Variants in MCOLN2 observed in about 807,000 individuals in gnomAD.
MCOLN2 encodes the protein mucolipin TRP cation channel 2.
A neutral mutation model predicts 67.5 loss-of-function variants in MCOLN2; 57 were observed. The observed-to-expected ratio is 0.84, with a 90% CI of 0.68 to 1.05. The LOEUF (loss-of-function observed/expected upper bound fraction) is 1.05, where lower values mean the gene tolerates loss of function less well. Among genes scored for constraint, MCOLN2 ranks in the 50% least tolerant of loss-of-function variants. The pLI is 0.00. For synonymous variants in MCOLN2, 246 were observed against 233.3 expected (o/e 1.05, Z -0.50); for missense variants, 620 against 678.8 (o/e 0.91, Z 0.96).
chr1:84,981,286 T>C (rs1015774211), intron 1 of MCOLN2, among the ~76,000 whole-genome samples: 1 of 152,192 alleles, frequency 6.6e-6, no homozygotes, highest in Non-Finnish European at 1.5e-5. Flanking sequence ...CCATATGATC[T>C]AGCAATCCCA....
intron 1 of MCOLN2, among the ~76,000 whole-genome samples, chr1:84,982,634 C>G (rs550473422): frequency 1.3e-5 from 2 of 152,250 alleles, no homozygotes; most frequent in African/African-American, 4.8e-5. Context: ...GAGCTCCAAC[C>G]ACCCCTTAGC....
Position 84,995,264 on chromosome 1 carries a change from G to A in MCOLN2, c.77+1532C>T, listed in dbSNP as rs574198459. ...TAGAGACACAAAGTGAGCACATGCT[G>A]TTGGAAAAATGGCACCAATAGACTT... On this transcript the variant is annotated intron_variant, in intron 1 of 13. Coordinates refer to ENST00000370608, the MANE Select transcript of MCOLN2 (RefSeq NM_153259.4). 4.7e-3 allele frequency among the ~76,000 whole-genome samples: 250 copies of A among 52,798 alleles called. 1 individual carries two copies. The highest frequency in any genetic ancestry group is 0.011 in the Admixed American group (49 of 4,306). 34.6% of individuals were successfully genotyped at this position (52,798 alleles called of 152,430 possible).
intron 4 of MCOLN2, among the ~76,000 whole-genome samples, chr1:84,953,701 A>C (rs1161866445): frequency 6.7e-6 from 1 of 148,734 alleles, no homozygotes; most frequent in Non-Finnish European, 1.5e-5. Flanking sequence ...GTATTCAAGT[A>C]AAAACAGATT....
chr1:84,983,376 CCT>C (rs1215012453), intron 1 of MCOLN2, among the ~76,000 whole-genome samples: 1 of 152,040 alleles, frequency 6.6e-6, no homozygotes, highest in African/African-American at 2.4e-5. Context: ...CTCAAGCAAT[CCT>C]TCTGCCTCAC....
Position 84,937,839 on chromosome 1 carries a change from A to G in MCOLN2, c.1251T>C (p.Val417=). 1.9e-6 allele frequency: 3 copies of G among 1,614,228 alleles called. No individual in the cohort carries two copies. The highest frequency in any genetic ancestry group is 2.7e-5 in the African/African-American group (2 of 75,058). Residue 417 remains valine (V), a synonymous_variant, in exon 11 of 14, where the codon GTT becomes GTC. Transcript: ENST00000370608. ...TACCAGCACAAGCACAAAACCGAAGAACTTTTGGCAGTGAGGCCTGCATTG... is the reference window on the plus strand; with the variant it reads ...TACCAGCACAAGCACAAAACCGAAGGACTTTTGGCAGTGAGGCCTGCATTG... ...ILTMQASLPK[V]LRFCACAGMI...
At chr1:84,995,590 A>G (rs1651103494) in intron 1 of MCOLN2, among the ~76,000 whole-genome samples, 1 of 152,084 alleles carries the variant, frequency 6.6e-6, no homozygotes, top group Non-Finnish European at 1.5e-5. Context: ...TTTGAAAGCT[A>G]TAGTCACAAG....
intron 13 of MCOLN2, 81 bp downstream of exon 13, chr1:84,929,477 A>G (rs1200144620): frequency 1.4e-6 from 2 of 1,415,262 alleles, no homozygotes; most frequent in Non-Finnish European, 1.9e-6. Context: ...CTCTGAATGT[A>G]ATGGTAATCT....
intron 1 of MCOLN2, 139 bp downstream of exon 1, chr1:84,996,657 C>T (rs1651173497): frequency 2.8e-6 from 2 of 715,258 alleles, no homozygotes; most frequent in Non-Finnish European, 2.4e-6. Context: ...ACAGCCTAGC[C>T]TTATTTAACT....
At chr1:84,971,120 A>G (rs1251275445) in intron 1 of MCOLN2, among the ~76,000 whole-genome samples, 1 of 152,210 alleles carries the variant, frequency 6.6e-6, no homozygotes, top group Non-Finnish European at 1.5e-5. Context: ...ACTTTTAGCA[A>G]TATGAAAGAT....
At chr1:84,935,443 A>G (rs1473360069) in intron 11 of MCOLN2, among the ~76,000 whole-genome samples, 1 of 152,164 alleles carries the variant, frequency 6.6e-6, no homozygotes, top group Non-Finnish European at 1.5e-5. Flanking sequence ...TAGAGCTGCA[A>G]TGTCCATAGT....
chr1:84,992,275 A>G (rs1275003807), intron 1 of MCOLN2, among the ~76,000 whole-genome samples: 2 of 152,224 alleles, frequency 1.3e-5, no homozygotes, highest in Non-Finnish European at 2.9e-5. Flanking sequence ...CTGAAATTAC[A>G]GAGATGTATT....
In MCOLN2 at chr1:84,936,033, C is replaced by T. The variant is rs140618603; in HGVS notation, c.1335+1722G>A. Among the ~76,000 whole-genome samples, 509 of 152,252 alleles carry T rather than the reference C, an allele frequency of 3.3e-3. 3 individuals carry two copies. The highest frequency in any genetic ancestry group is 0.011 in the African/African-American group (476 of 41,544). ...TCAAAGCACAGGTACTGGAGTCAGG[C>T]CGACCTGGGTTTGAATCCCATCTCT... On this transcript the variant is annotated intron_variant, in intron 11 of 13. Transcript: ENST00000370608.
At chr1:84,948,924 G>A (rs772104028) in intron 6 of MCOLN2, among the ~76,000 whole-genome samples, 1 of 152,202 alleles carries the variant, frequency 6.6e-6, no homozygotes, top group Non-Finnish European at 1.5e-5. Context: ...TAGGTCAGGA[G>A]GTTGAGACCA....
intron 11 of MCOLN2, among the ~76,000 whole-genome samples, chr1:84,932,378 A>C (rs1250060927): frequency 1.3e-5 from 2 of 151,948 alleles, no homozygotes; most frequent in African/African-American, 4.8e-5. Context: ...AGCCCGGCTA[A>C]TTTTTGTATT....
At chr1:84,967,509 G>A (rs1649439332) in intron 1 of MCOLN2, among the ~76,000 whole-genome samples, 1 of 152,146 alleles carries the variant, frequency 6.6e-6, no homozygotes, top group African/African-American at 2.4e-5. Context: ...TATCTGCCTT[G>A]ACTGACGAAT....
chr1:84,981,067 T>C (rs961323026), intron 1 of MCOLN2, among the ~76,000 whole-genome samples: 2 of 152,080 alleles, frequency 1.3e-5, no homozygotes, highest in African/African-American at 4.8e-5. Context: ...TCAACATCAC[T>C]GATCACTAGA....
chr1:84,961,474 C>G (rs1557649961), intron 2 of MCOLN2, among the ~76,000 whole-genome samples: 1 of 152,128 alleles, frequency 6.6e-6, no homozygotes, highest in Non-Finnish European at 1.5e-5. Flanking sequence ...GTAATCTCTG[C>G]TTGGAACCTC....
At chr1:84,963,389 T>G (rs1333372878) in intron 2 of MCOLN2, among the ~76,000 whole-genome samples, 1 of 152,178 alleles carries the variant, frequency 6.6e-6, no homozygotes, top group African/African-American at 2.4e-5. Context: ...AAAGAGTCTG[T>G]GCTAGAGAGA....
intron 6 of MCOLN2, among the ~76,000 whole-genome samples, 197 bp downstream of exon 6, chr1:84,952,046 C>T (rs1231245068): frequency 2.6e-5 from 4 of 152,022 alleles, no homozygotes; most frequent in African/African-American, 9.7e-5. Flanking sequence ...GAGATCACGC[C>T]ACTGCACTCC....
Sources: gnomAD v4.1 joint callset for allele counts (sites outside exome capture counted in the v4.1 genomes callset) on GRCh38, gnomAD v4.1.1 for gene constraint, MANE v1.5 for transcripts, NCBI Gene and HGNC (gene_info 2026-07-23, HGNC 2026-07-21) for gene names.